Variants in TTC27 observed in about 807,000 individuals in gnomAD.
TTC27 encodes tetratricopeptide repeat domain 27.
TTC27 carries 79 observed loss-of-function variants against 115.9 expected under a neutral mutation model. The observed-to-expected ratio is 0.68, with a 90% CI of 0.57 to 0.82. The LOEUF (loss-of-function observed/expected upper bound fraction) is 0.82. TTC27 is among the 40% of genes least tolerant of loss of function. The pLI is 0.00. For missense variants in TTC27, 1,054 were observed against 993.1 expected, an observed-to-expected ratio of 1.06 and a Z score of -0.82; for synonymous variants, 401 against 356.0, an observed-to-expected ratio of 1.13 and a Z score of -1.42.
At chr2:32,651,566 G>A (rs1248762754) in intron 5 of TTC27, among the ~76,000 whole-genome samples, 7 of 152,160 alleles carry the variant, frequency 4.6e-5, no homozygotes, top group African/African-American at 1.7e-4. Flanking sequence ...GGCTTGTCTT[G>A]AACTCCCGAC....
intron 16 of TTC27, among the ~76,000 whole-genome samples, chr2:32,791,817 G>A (rs1006338910): frequency 1.3e-5 from 2 of 152,162 alleles, no homozygotes; most frequent in Non-Finnish European, 2.9e-5. Flanking sequence ...TGAGGTTTCA[G>A]TGAGCTATGA....
At chr2:32,798,559 G>A (rs1271421010) in intron 16 of TTC27, among the ~76,000 whole-genome samples, 1 of 150,106 alleles carries the variant, frequency 6.7e-6, no homozygotes, top group Non-Finnish European at 1.5e-5. Context: ...ACAAAAATTA[G>A]CCAGGCGTGG....
At chr2:32,683,209 C>G (rs531828240) in intron 9 of TTC27, among the ~76,000 whole-genome samples, 1 of 151,902 alleles carries the variant, frequency 6.6e-6, no homozygotes, top group Admixed American at 6.6e-5. Context: ...AGGCTAGTCT[C>G]GAACTCCTGA....
At chr2:32,636,475 A>C (rs567738111) in intron 3 of TTC27, among the ~76,000 whole-genome samples, 73 of 152,216 alleles carry the variant, frequency 4.8e-4, no homozygotes, top group African/African-American at 1.7e-3. Flanking sequence ...CGGCCTCCCA[A>C]AGTGTTAGGA....
At position 32,628,346 on chromosome 2, in the gene TTC27, G is replaced by A; in HGVS notation, c.54G>A (p.Arg18=). Residue 18 remains arginine, a synonymous_variant, in exon 1 of 20, where the codon CGG becomes CGA. Transcript: ENST00000317907. ...ILRGFPTEAE[R]QQWKQEGVVG... ...GGGGATTCCCCACTGAGGCTGAGCG[G>A]CAGCAATGGAAACAGGAGGGGGTCG... 1 of 1,607,522 alleles carries A rather than the reference G, an allele frequency of 6.2e-7. No individual in the cohort carries two copies.
At chr2:32,640,939 G>A (rs756175483) in intron 4 of TTC27, among the ~76,000 whole-genome samples, 3 of 152,002 alleles carry the variant, frequency 2.0e-5, no homozygotes, top group South Asian at 2.1e-4. Context: ...CCGTGATTGC[G>A]CCATTGCACT....
intron 3 of TTC27, among the ~76,000 whole-genome samples, chr2:32,636,598 G>C (rs1366432812): frequency 6.6e-6 from 1 of 152,180 alleles, no homozygotes; most frequent in Non-Finnish European, 1.5e-5. Context: ...AGTGGTAAAA[G>C]AATCTTGTCA....
At chr2:32,633,693 T>A (rs1466829827) in intron 2 of TTC27, among the ~76,000 whole-genome samples, 183 bp from the exon 3 acceptor site, 1 of 152,190 alleles carries the variant, frequency 6.6e-6, no homozygotes, top group Admixed American at 6.5e-5. Context: ...CATGAACCAC[T>A]GTGCCTAGCT....
intron 5 of TTC27, 123 bp downstream of exon 5, chr2:32,650,356 T>C: frequency 5.6e-6 from 1 of 178,438 alleles, no homozygotes; most frequent in South Asian, 1.4e-4. Context: ...GTTGTTTCTT[T>C]TTTTTTTTTT....
At chr2:32,693,803 G>A (rs900506713) in intron 9 of TTC27, among the ~76,000 whole-genome samples, 8 of 152,166 alleles carry the variant, frequency 5.3e-5, no homozygotes, top group South Asian at 2.1e-4. Context: ...ACAGTAAAGC[G>A]CTAACAAAAC....
chr2:32,736,946 A>C (rs778826143), intron 12 of TTC27, 130 bp downstream of exon 12: 179 of 1,296,438 alleles, frequency 1.4e-4, no homozygotes, highest in Non-Finnish European at 1.8e-4. Flanking sequence ...TTTTTCCAGA[A>C]AACTTTTAAA....
At chr2:32,709,875 T>G (rs1406584325) in intron 10 of TTC27, among the ~76,000 whole-genome samples, 7 of 152,216 alleles carry the variant, frequency 4.6e-5, no homozygotes, top group Admixed American at 4.6e-4. Context: ...TAAAGTTTAT[T>G]AAAAATTCAG....
In TTC27 at chr2:32,678,988, C is replaced by G. The variant is rs961209653; in HGVS notation, c.1119+66C>G. 8 of 1,403,602 alleles carry G rather than the reference C, an allele frequency of 5.7e-6. No individual in the cohort carries two copies. The African/African-American group carries it at 1.0e-4, about 17-fold the overall frequency. The allele number at this position is 1,403,602 out of a possible 1,614,324, so 86.9% of individuals were successfully genotyped here. A position where few individuals can be genotyped will look rare whatever the true frequency, so the allele number is the denominator to read the frequency against. On this transcript the variant is annotated intron_variant, in intron 9 of 19. Transcript: ENST00000317907. The stretch of plus-strand genomic sequence containing the variant: ...GGTAAATTACTTCCTCTGGTATGGT[C>G]TTGCCTTGGATTGTTTATGTTGAAA...
intron 15 of TTC27, among the ~76,000 whole-genome samples, chr2:32,783,539 G>A (rs1325293976): frequency 1.3e-5 from 2 of 152,206 alleles, no homozygotes; most frequent in Admixed American, 1.3e-4. Flanking sequence ...AGACTGTCCT[G>A]TTGAGAATAG....
At chr2:32,808,344 G>T (rs1018765903) in intron 16 of TTC27, among the ~76,000 whole-genome samples, 1 of 152,098 alleles carries the variant, frequency 6.6e-6, no homozygotes, top group Non-Finnish European at 1.5e-5. Flanking sequence ...AATGACTCTC[G>T]TTATCTATTC....
intron 13 of TTC27, among the ~76,000 whole-genome samples, chr2:32,763,531 A>G (rs1669518358): frequency 6.6e-6 from 1 of 152,188 alleles, no homozygotes; most frequent in Non-Finnish European, 1.5e-5. Context: ...GGTTAGGGGG[A>G]AAAAGGCTAT....
chr2:32,710,223 G>T (rs1256195486), intron 10 of TTC27, among the ~76,000 whole-genome samples: 8 of 151,978 alleles, frequency 5.3e-5, no homozygotes, highest in Non-Finnish European at 8.8e-5. Context: ...TGTTGGTCAG[G>T]CTAGTTTTGG....
intron 3 of TTC27, among the ~76,000 whole-genome samples, chr2:32,636,100 A>T (rs1664413733): frequency 6.6e-6 from 1 of 152,226 alleles, no homozygotes; most frequent in African/African-American, 2.4e-5. Context: ...ATTATGTATG[A>T]ATCAGTTTCT....
chr2:32,703,551 C>T (rs951228259), intron 10 of TTC27, among the ~76,000 whole-genome samples: 1 of 152,140 alleles, frequency 6.6e-6, no homozygotes, highest in African/African-American at 2.4e-5. Context: ...TAAAGATATG[C>T]AGCCCCATAG....
Sources: gnomAD v4.1 joint callset for allele counts (sites outside exome capture counted in the v4.1 genomes callset) on GRCh38, gnomAD v4.1.1 for gene constraint, MANE v1.5 for transcripts, NCBI Gene and HGNC (gene_info 2026-07-23, HGNC 2026-07-21) for gene names.